Variants in PEBP4 observed in about 807,000 individuals in gnomAD.
PEBP4 encodes phosphatidylethanolamine-binding protein 4.
A neutral mutation model predicts 23.9 loss-of-function variants in PEBP4; 22 were observed. The observed-to-expected ratio is 0.92, with a 90% CI of 0.66 to 1.31. The LOEUF is 1.31. PEBP4 is among the 40% of genes most tolerant of loss of function. The pLI is 0.00. For missense variants in PEBP4, 324 were observed against 281.7 expected (o/e 1.15, Z -1.07); for synonymous variants, 112 against 99.3 (o/e 1.13, Z -0.76).
At chr8:22,860,182 ACATATATATG>A (rs1807741554) in intron 3 of PEBP4, among the ~76,000 whole-genome samples, 1 of 68,294 alleles carries the variant, frequency 1.5e-5, no homozygotes, top group Non-Finnish European at 3.3e-5. Context: ...ATATATATAC[ACATATATATG>A]TATATATATA....
chr8:22,802,318 C>T (rs1806400328), intron 4 of PEBP4, among the ~76,000 whole-genome samples: 1 of 152,234 alleles, frequency 6.6e-6, no homozygotes, highest in South Asian at 2.1e-4. Context: ...CACCCATCCC[C>T]ACTACCCCCG....
At chr8:22,937,845 G>C (rs1193722807) in intron 1 of PEBP4, among the ~76,000 whole-genome samples, 4 of 151,820 alleles carry the variant, frequency 2.6e-5, no homozygotes, top group South Asian at 2.1e-4. Flanking sequence ...TTTCAGCAAG[G>C]GTGCTGAAAA....
intron 3 of PEBP4, among the ~76,000 whole-genome samples, chr8:22,893,335 A>C (rs1184400581): frequency 6.6e-6 from 1 of 152,232 alleles, no homozygotes; most frequent in Non-Finnish European, 1.5e-5. Flanking sequence ...ATCATAGCTC[A>C]AGAATATTTA....
chr8:22,791,573 C>T (rs886209561), intron 4 of PEBP4, among the ~76,000 whole-genome samples: 61 of 152,000 alleles, frequency 4.0e-4, no homozygotes, highest in African/African-American at 1.3e-3. Flanking sequence ...TGTGTGTGCG[C>T]GCACACGCAT....
chr8:22,748,586 A>G (rs929619554), intron 4 of PEBP4, among the ~76,000 whole-genome samples: 1 of 151,456 alleles, frequency 6.6e-6, no homozygotes, highest in African/African-American at 2.4e-5. Flanking sequence ...ACTAGGTTGC[A>G]CATGATGAGG....
At chr8:22,881,069 A>C (rs1427837479) in intron 3 of PEBP4, among the ~76,000 whole-genome samples, 10 of 152,250 alleles carry the variant, frequency 6.6e-5, no homozygotes, top group Non-Finnish European at 1.5e-4. Context: ...AGGTACTGGC[A>C]GGAAATTAAA....
chr8:22,801,477 G>A (rs1187473636), intron 4 of PEBP4, among the ~76,000 whole-genome samples: 5 of 152,148 alleles, frequency 3.3e-5, no homozygotes, highest in Admixed American at 2.0e-4. Flanking sequence ...GTTCCTGGTG[G>A]GAAGTAGACA....
At chr8:22,721,322 C>T (rs182268298) in intron 6 of PEBP4, among the ~76,000 whole-genome samples, 1 of 152,132 alleles carries the variant, frequency 6.6e-6, no homozygotes, top group East Asian at 1.9e-4. Context: ...GTCACCTGGC[C>T]AAGGTCAAAC....
intron 1 of PEBP4, among the ~76,000 whole-genome samples, chr8:22,933,942 C>G (rs978456238): frequency 6.6e-6 from 1 of 152,162 alleles, no homozygotes; most frequent in Admixed American, 6.5e-5. Context: ...AAAGCCTCAG[C>G]CTTTTCCCAC....
intron 4 of PEBP4, among the ~76,000 whole-genome samples, chr8:22,748,078 G>A (rs1019116860): frequency 2.0e-5 from 3 of 152,324 alleles, no homozygotes; most frequent in African/African-American, 4.8e-5. Flanking sequence ...ACATCCACAC[G>A]CATGTGCACA....
At chr8:22,759,242 T>C (rs1251162945) in intron 4 of PEBP4, among the ~76,000 whole-genome samples, 1 of 147,594 alleles carries the variant, frequency 6.8e-6, no homozygotes, top group African/African-American at 2.5e-5. Context: ...AGACCCCGCA[T>C]AGACGGAGGC....
chr8:22,734,459 C>G (rs1357179944), intron 4 of PEBP4, among the ~76,000 whole-genome samples: 1 of 152,166 alleles, frequency 6.6e-6, no homozygotes, highest in African/African-American at 2.4e-5. Flanking sequence ...TTTTGTGGAC[C>G]AGTTTCCCTC....
chr8:22,716,784 G>A (rs928727754), intron 6 of PEBP4, among the ~76,000 whole-genome samples: 2 of 152,220 alleles, frequency 1.3e-5, no homozygotes, highest in East Asian at 1.9e-4. Context: ...ATGGGGGATC[G>A]GCTCCCCTGC....
chr8:22,912,582 C>T (rs1027420320), intron 3 of PEBP4, among the ~76,000 whole-genome samples: 2 of 152,232 alleles, frequency 1.3e-5, no homozygotes, highest in Non-Finnish European at 2.9e-5. Flanking sequence ...CCCTGGGCAG[C>T]GCCCTCATCT....
chr8:22,737,166 C>A (rs963093670), intron 4 of PEBP4, among the ~76,000 whole-genome samples: 2 of 152,016 alleles, frequency 1.3e-5, no homozygotes, highest in Middle Eastern at 3.4e-3. Context: ...TGGTGGCAGG[C>A]GCCTGTAGTC....
upstream of PEBP4, among the ~76,000 whole-genome samples, chr8:22,929,238 T>C (rs1012887354): frequency 1.3e-5 from 2 of 152,340 alleles, no homozygotes; most frequent in South Asian, 2.1e-4. Context: ...ACTTCACTCA[T>C]AGGCATTAAG....
chr8:22,725,586 G>A (rs948981541), intron 5 of PEBP4, among the ~76,000 whole-genome samples: 3 of 151,980 alleles, frequency 2.0e-5, no homozygotes, highest in Admixed American at 1.3e-4. Flanking sequence ...GTGGGGTGGG[G>A]ACATCCCTCA....
intron 4 of PEBP4, among the ~76,000 whole-genome samples, chr8:22,729,763 A>T (rs1036001738): frequency 1.5e-4 from 23 of 152,196 alleles, no homozygotes; most frequent in African/African-American, 5.3e-4. Flanking sequence ...GCTGGTCCTC[A>T]CTGGCAGAAA....
intron 3 of PEBP4, among the ~76,000 whole-genome samples, chr8:22,822,537 CTTCTTT>C (rs1013635141): frequency 1.3e-5 from 2 of 152,048 alleles, no homozygotes; most frequent in Non-Finnish European, 2.9e-5. Flanking sequence ...TCTTCTTCTT[CTTCTTT>C]TTATTTTTTT....
Sources: gnomAD v4.1 joint callset for allele counts (sites outside exome capture counted in the v4.1 genomes callset) on GRCh38, gnomAD v4.1.1 for gene constraint, MANE v1.5 for transcripts, NCBI Gene and HGNC (gene_info 2026-07-23, HGNC 2026-07-21) for gene names.